Variants in TBCD observed in about 807,000 individuals in gnomAD.
TBCD encodes tubulin folding cofactor D.
Under a neutral mutation model 169.3 loss-of-function variants are expected in TBCD, and 105 were observed. That is an observed-to-expected ratio of 0.62 (90% CI 0.53 to 0.73). The LOEUF is 0.73. Ranked by LOEUF, TBCD falls within the 30% of genes least tolerant of loss-of-function variation. The pLI, the probability that TBCD is intolerant of heterozygous loss-of-function variation, is 0.00. For synonymous variants in TBCD, 700 were observed against 643.9 expected, an observed-to-expected ratio of 1.09 and a Z score of -1.32; for missense variants, 1,444 against 1,600.1, an observed-to-expected ratio of 0.90 and a Z score of 1.66.
chr17:82,836,687 C>CA (rs559997152), intron 13 of TBCD, among the ~76,000 whole-genome samples: 4,161 of 116,698 alleles, frequency 0.036, 150 homozygotes, highest in African/African-American at 0.11. Flanking sequence ...TACTTTTAGG[C>CA]AAAAAAAAAA....
chr17:82,772,400 A>G, intron 5 of TBCD, 52 bp from the exon 6 acceptor site: 1 of 1,603,000 alleles, frequency 6.2e-7, no homozygotes, highest in Non-Finnish European at 8.5e-7. Context: ...TGGTGTCCCC[A>G]AGGCTGGCGT....
chr17:82,934,461 G>C (rs533746159), intron 34 of TBCD, among the ~76,000 whole-genome samples: 3 of 152,082 alleles, frequency 2.0e-5, no homozygotes, highest in African/African-American at 7.2e-5. Flanking sequence ...TTAATACAAT[G>C]CTAAATACTC....
At chr17:82,941,588 C>A in intron 38 of TBCD, 105 bp downstream of exon 38, 1 of 998,842 alleles carries the variant, frequency 1.0e-6, no homozygotes, top group Non-Finnish European at 1.5e-6. Flanking sequence ...GTCCACACGG[C>A]CCGTTCCCTC....
intron 13 of TBCD, among the ~76,000 whole-genome samples, chr17:82,847,356 G>GAAAAA (rs1041994030): frequency 3.1e-3 from 256 of 81,612 alleles, no homozygotes; most frequent in East Asian, 4.3e-3. Context: ...CCATGTCAAA[G>GAAAAA]AAAAAAAAAA....
chr17:82,869,839 G>C (rs190980344), intron 13 of TBCD, among the ~76,000 whole-genome samples: 5 of 144,776 alleles, frequency 3.5e-5, no homozygotes, highest in African/African-American at 1.4e-4. Flanking sequence ...CCTGAACCAG[G>C]GGCGCCTCTC....
At chr17:82,940,097 G>A (rs2062983956) in intron 37 of TBCD, among the ~76,000 whole-genome samples, 1 of 152,144 alleles carries the variant, frequency 6.6e-6, no homozygotes, top group Non-Finnish European at 1.5e-5. Flanking sequence ...GAGCAGAGTG[G>A]GGAAAGTGCA....
At chr17:82,895,381 C>A (rs944916870) in intron 17 of TBCD, among the ~76,000 whole-genome samples, 4 of 152,202 alleles carry the variant, frequency 2.6e-5, no homozygotes. Context: ...TGGTCCTGTT[C>A]AGCAGAGGGC....
At chr17:82,774,683 C>T (rs1041540541) in intron 6 of TBCD, among the ~76,000 whole-genome samples, 1 of 152,090 alleles carries the variant, frequency 6.6e-6, no homozygotes, top group African/African-American at 2.4e-5. Flanking sequence ...GGGCTGCCCC[C>T]CACCCGAGTG....
intron 23 of TBCD, among the ~76,000 whole-genome samples, chr17:82,916,866 G>A (rs979909143): frequency 6.6e-6 from 1 of 152,022 alleles, no homozygotes; most frequent in Non-Finnish European, 1.5e-5. Flanking sequence ...TCCTAGCCAT[G>A]ATCTCTTTGA....
intron 13 of TBCD, chr17:82,830,749 A>G (rs2053424878): frequency 6.2e-7 from 1 of 1,613,612 alleles, no homozygotes; most frequent in African/African-American, 1.3e-5. Flanking sequence ...TGCCAGGTTT[A>G]TCTCTGATTT....
intron 2 of TBCD, among the ~76,000 whole-genome samples, chr17:82,761,023 G>T (rs2047725946): frequency 6.6e-6 from 1 of 151,636 alleles, no homozygotes; most frequent in South Asian, 2.1e-4. Flanking sequence ...GTAATGGCGT[G>T]ATCTTGGCTC....
chr17:82,815,986 C>T (rs1177041974), intron 13 of TBCD, among the ~76,000 whole-genome samples: 1 of 152,146 alleles, frequency 6.6e-6, no homozygotes, highest in Non-Finnish European at 1.5e-5. Flanking sequence ...CAGAGTTGCG[C>T]AACTATTGCC....
chr17:82,760,318 C>T (rs1458683418), intron 2 of TBCD, among the ~76,000 whole-genome samples: 2 of 152,186 alleles, frequency 1.3e-5, no homozygotes, highest in Non-Finnish European at 2.9e-5. Flanking sequence ...CTATTAAATT[C>T]ACAAATTCAT....
chr17:82,884,036 G>T lies in TBCD; in HGVS notation c.1476-109G>T. 9.3e-7 allele frequency: 1 copy of T among 1,070,844 alleles called. No individual in the cohort carries two copies. The allele number at this position is 1,070,844 out of a possible 1,614,324, so 66.3% of individuals were successfully genotyped here. On this transcript the variant is annotated intron_variant, in intron 14 of 38. Transcript: ENST00000355528. This position sits in a 1 kb window ranked among gnomAD's most constrained non-coding sequence, Gnocchi z 4.2. ...TGTGTGTTGCCTGTGGGGCATGTCT[G>T]AACCTCAAGTGGGCCTGAGTCGTGA...
At chr17:82,897,003 A>G (rs1567982564) in intron 17 of TBCD, among the ~76,000 whole-genome samples, 2 of 152,150 alleles carry the variant, frequency 1.3e-5, no homozygotes, top group South Asian at 2.1e-4. Flanking sequence ...GTGACTGATG[A>G]TGCAGTTTCA....
rs991070306 is a variant in TBCD at position 82,923,960 on chromosome 17, C to T, written c.2260+227C>T. Among the ~76,000 whole-genome samples the T allele has an allele frequency of 3.3e-5, 5 of 152,040 alleles. No homozygotes were observed. Among genetic ancestry groups the T allele is most frequent in the African/African-American group, 9.7e-5 (4 of 41,396 alleles). ...CTCTGAACAGGTGGCTCAGCAGGGA[C>T]GCGTCTCTGTTGACGGCACCCTCTT... On this transcript the variant is annotated intron_variant, in intron 26 of 38. Transcript: ENST00000355528. The surrounding 1 kb of genome is among the most constrained non-coding windows in gnomAD (Gnocchi z 4.6).
intron 6 of TBCD, among the ~76,000 whole-genome samples, chr17:82,773,768 C>T (rs924078120): frequency 1.3e-5 from 2 of 151,822 alleles, no homozygotes; most frequent in Non-Finnish European, 1.5e-5. Flanking sequence ...ACTTTGTCTC[C>T]CAGGCTGGAG....
intron 13 of TBCD, among the ~76,000 whole-genome samples, chr17:82,857,229 T>G (rs966515952): frequency 1.3e-5 from 2 of 152,266 alleles, no homozygotes; most frequent in African/African-American, 4.8e-5. Flanking sequence ...GAGCATCTTT[T>G]CATGTGCTCC....
intron 2 of TBCD, among the ~76,000 whole-genome samples, chr17:82,760,257 T>C (rs2047684096): frequency 6.6e-6 from 1 of 152,226 alleles, no homozygotes; most frequent in South Asian, 2.1e-4. Flanking sequence ...GCCCGTTCAT[T>C]AATGCGGATG....
Sources: gnomAD v4.1 joint callset for allele counts (sites outside exome capture counted in the v4.1 genomes callset) on GRCh38, gnomAD v4.1.1 for gene constraint, Gnocchi (gnomAD v3.1) non-coding constraint, MANE v1.5 for transcripts, NCBI Gene and HGNC (gene_info 2026-07-23, HGNC 2026-07-21) for gene names.